Variants in IDE observed in about 807,000 individuals in gnomAD.
IDE encodes the protein insulin-degrading enzyme.
IDE carries 58 observed loss-of-function variants against 133.2 expected under a neutral mutation model. The ratio of observed to expected loss-of-function variants is 0.44; its 90% confidence interval spans 0.35 to 0.54. IDE has a LOEUF of 0.54. Ranked by LOEUF, IDE falls within the 20% of genes least tolerant of loss-of-function variation. The pLI is 0.00. For synonymous variants in IDE, 396 were observed against 421.3 expected (o/e 0.94, Z 0.73); for missense variants, 981 against 1,234.0 (o/e 0.79, Z 3.07).
At chr10:92,474,652 T>C in intron 17 of IDE, 189 bp downstream of exon 17, 4 of 496,994 alleles carry the variant, frequency 8.0e-6, no homozygotes, top group Non-Finnish European at 1.4e-5. Context: ...TCCTTCTACC[T>C]ATTTAAAAGT....
intron 12 of IDE, among the ~76,000 whole-genome samples, chr10:92,489,930 A>C (rs1279203090): frequency 6.6e-6 from 1 of 152,260 alleles, no homozygotes; most frequent in Non-Finnish European, 1.5e-5. Flanking sequence ...AAAGAAAGAA[A>C]AAGTACTAGA....
chr10:92,484,629 A>C (rs776383330), intron 13 of IDE, among the ~76,000 whole-genome samples: 1 of 151,958 alleles, frequency 6.6e-6, no homozygotes, highest in Non-Finnish European at 1.5e-5. Context: ...GTTACTTAGG[A>C]GGCTGAGGCA....
At chr10:92,469,388 G>T (rs764704588) in intron 18 of IDE, among the ~76,000 whole-genome samples, 4 of 151,784 alleles carry the variant, frequency 2.6e-5, no homozygotes, top group Non-Finnish European at 5.9e-5. Flanking sequence ...TGGGCATATT[G>T]TTCTGGAGGG....
intron 8 of IDE, 97 bp downstream of exon 8, chr10:92,508,016 G>T: frequency 1.2e-6 from 1 of 857,568 alleles, no homozygotes; most frequent in Non-Finnish European, 1.9e-6. Flanking sequence ...AAGTGTTGTA[G>T]CTTTCAACAT....
chr10:92,475,815 A>G (rs1348457335), intron 16 of IDE, 69 bp downstream of exon 16: 4 of 634,098 alleles, frequency 6.3e-6, no homozygotes, highest in African/African-American at 1.9e-5. Context: ...TATAAAAACT[A>G]TTATGAAAAC....
At chr10:92,511,246 C>T (rs11498516) in intron 5 of IDE, among the ~76,000 whole-genome samples, 7,678 of 151,732 alleles carry the variant, frequency 0.051, 697 homozygotes, top group African/African-American at 0.17. Flanking sequence ...GGATTACAGG[C>T]GTGTGCCACC....
intron 4 of IDE, among the ~76,000 whole-genome samples, chr10:92,529,901 T>C (rs1394992836): frequency 6.6e-6 from 1 of 152,092 alleles, no homozygotes; most frequent in Non-Finnish European, 1.5e-5. Context: ...GCAGCATTGT[T>C]TGTGTAAGTA....
At chr10:92,570,374 A>T (rs1843728567) in intron 1 of IDE, among the ~76,000 whole-genome samples, 1 of 152,236 alleles carries the variant, frequency 6.6e-6, no homozygotes, top group Admixed American at 6.5e-5. Flanking sequence ...TTTACATAGT[A>T]CTGGACACAG....
chr10:92,453,650 T>C lies in IDE; in HGVS notation c.*794A>G, dbSNP rs1427066115. 6.6e-6 allele frequency: 1 copy of C among 152,196 alleles called. No homozygotes were observed. Among genetic ancestry groups the C allele is most frequent in the Non-Finnish European group, 1.5e-5 (1 of 68,030 alleles). The allele number at this position is 152,196 out of a possible 1,614,324, so 9.4% of individuals were successfully genotyped here. A position where few individuals can be genotyped will look rare whatever the true frequency, so the allele number is the denominator to read the frequency against. On this transcript the variant is annotated 3_prime_UTR_variant, in exon 25 of 25. Transcript: ENST00000265986. ...ACCCTATTTGTACGTGTTAAATAAA[T>C]ATGTTGTGTTAAAGCAATATGTTGA...
rs1382616516 is a variant in IDE at position 92,531,774 on chromosome 10, T to G, written c.635A>C (p.Lys212Thr). The part of the protein sequence containing the change: ...FQLEKATGNP[K>T]HPFSKFGTGN... ...TGTCCCAAATTTACTGAAGGGGTGT[T>G]TAGGATTCCCTGTAGCTTTTTCCAA... The change falls in exon 4 of 25, where the codon AAA (lysine) becomes ACA (threonine). Residue 212 changes from lysine to threonine, a missense_variant. Lys to Thr is a moderately conservative substitution (Grantham distance 78). Transcript: ENST00000265986. 6.3e-7 allele frequency: 1 copy of G among 1,597,728 alleles called. No individual in the cohort carries two copies. Among genetic ancestry groups the G allele is most frequent in the East Asian group, 2.2e-5 (1 of 44,480 alleles).
At position 92,510,891 on chromosome 10, in the gene IDE, T is replaced by C. The variant is rs115810917; in HGVS notation, c.785-729A>G. Among the ~76,000 whole-genome samples, 730 of 151,010 alleles carry C rather than the reference T, an allele frequency of 4.8e-3. 8 individuals are homozygous for C. Among genetic ancestry groups the C allele is most frequent in the African/African-American group, 0.017 (693 of 41,222 alleles). The stretch of plus-strand genomic sequence containing the variant: ...TATCACATACATGATATATCACATA[T>C]ATCATATATATGATATTAGCAAAAT... On this transcript the variant is annotated intron_variant, in intron 5 of 24. Transcript: ENST00000265986.
chr10:92,486,018 G>C (rs1846972112), intron 13 of IDE, among the ~76,000 whole-genome samples: 1 of 152,078 alleles, frequency 6.6e-6, no homozygotes, highest in Non-Finnish European at 1.5e-5. Flanking sequence ...CTTTCTCTTT[G>C]CATAAGCTAA....
intron 11 of IDE, among the ~76,000 whole-genome samples, chr10:92,504,530 A>T (rs1848191337): frequency 1.3e-5 from 2 of 152,156 alleles, no homozygotes; most frequent in African/African-American, 4.8e-5. Flanking sequence ...ATTTGTTTTT[A>T]AAAATGTCCT....
At chr10:92,555,511 A>G (rs1008696352) in intron 1 of IDE, among the ~76,000 whole-genome samples, 3 of 151,938 alleles carry the variant, frequency 2.0e-5, no homozygotes, top group Non-Finnish European at 2.9e-5. Context: ...AAAAAAAAAA[A>G]AAAGAAAATC....
chr10:92,504,386 G>C (rs1488364846), intron 11 of IDE, among the ~76,000 whole-genome samples: 2 of 152,206 alleles, frequency 1.3e-5, no homozygotes, highest in East Asian at 3.9e-4. Flanking sequence ...CTTTACTGTG[G>C]CTTAAGAAAA....
intron 5 of IDE, among the ~76,000 whole-genome samples, chr10:92,511,888 T>C (rs1160305706): frequency 6.6e-6 from 1 of 152,178 alleles, no homozygotes. Context: ...TTTGTGGGCC[T>C]GCAGTACTGG....
intron 4 of IDE, among the ~76,000 whole-genome samples, chr10:92,524,603 T>C (rs765413404): frequency 3.8e-5 from 5 of 132,670 alleles, no homozygotes; most frequent in Non-Finnish European, 6.2e-5. Context: ...GTGGGATTCA[T>C]CTCAGGGATG....
chr10:92,564,810 C>A (rs1398909935), intron 1 of IDE, among the ~76,000 whole-genome samples: 1 of 148,888 alleles, frequency 6.7e-6, no homozygotes, highest in Admixed American at 6.8e-5. Context: ...GTAATCCTTG[C>A]TACTTGGGAG....
chr10:92,503,676 G>A (rs1416192033), intron 11 of IDE, among the ~76,000 whole-genome samples: 2 of 151,570 alleles, frequency 1.3e-5, no homozygotes, highest in Non-Finnish European at 2.9e-5. Context: ...TCAAACAATG[G>A]TAACTAGGAA....
Sources: allele counts gnomAD v4.1 joint callset (sites outside exome capture counted in the v4.1 genomes callset), GRCh38; gene constraint gnomAD v4.1.1; transcripts MANE v1.5; gene names NCBI Gene and HGNC (gene_info 2026-07-23, HGNC 2026-07-21).